Variants in JAKMIP2 observed in about 807,000 individuals in gnomAD.
JAKMIP2 encodes janus kinase and microtubule interacting protein 2, also known as janus kinase and microtubule-interacting protein 2.
A neutral mutation model predicts 115.0 loss-of-function variants in JAKMIP2; 25 were observed. The observed-to-expected ratio is 0.22, with a 90% CI of 0.16 to 0.30. JAKMIP2 has a LOEUF of 0.30. Ranked by LOEUF, JAKMIP2 falls within the 10% of genes least tolerant of loss-of-function variation. The probability of loss-of-function intolerance (pLI) is 1.00; values close to 1 mark genes in which losing one functional copy is unlikely to be tolerated. For synonymous variants in JAKMIP2, 334 were observed against 343.6 expected (o/e 0.97, Z 0.31); for missense variants, 642 against 957.6 (o/e 0.67, Z 4.35).
intron 1 of JAKMIP2, among the ~76,000 whole-genome samples, chr5:147,748,099 A>G (rs1298988964): frequency 6.6e-6 from 1 of 152,224 alleles, no homozygotes; most frequent in Non-Finnish European, 1.5e-5. Context: ...CAAAATGATA[A>G]AAGTATAACA....
intron 1 of JAKMIP2, among the ~76,000 whole-genome samples, chr5:147,689,106 C>A (rs1164735517): frequency 6.6e-6 from 1 of 151,966 alleles, no homozygotes; most frequent in Non-Finnish European, 1.5e-5. Flanking sequence ...GGAAAGCGTG[C>A]CAGGGTAGTG....
intron 1 of JAKMIP2, 59 bp from the exon 2 acceptor site, chr5:147,672,013 T>C: frequency 8.5e-7 from 1 of 1,171,726 alleles, no homozygotes; most frequent in Non-Finnish European, 1.1e-6. Flanking sequence ...TAAGTGCCAG[T>C]CAGTCTACTC....
In JAKMIP2 at chr5:147,586,104, G is replaced by C. The variant is rs1001526903; in HGVS notation, c.*5603C>G. On this transcript the variant is annotated 3_prime_UTR_variant, in exon 22 of 22. Coordinates refer to ENST00000616793, the MANE Select transcript of JAKMIP2 (RefSeq NM_001270941.2). ...AAATAATAGTAGTGAACAGAAGGTG[G>C]GGTAAGGGAGAGAAGAGGTAGTCAA... 5 of 151,998 alleles carry C rather than the reference G, an allele frequency of 3.3e-5. No individual in the cohort carries two copies. Among genetic ancestry groups the C allele is most frequent in the Non-Finnish European group, 7.3e-5 (5 of 68,040 alleles). 9.4% of individuals were successfully genotyped at this position (151,998 alleles called of 1,614,324 possible).
chr5:147,604,901 G>A (rs1581271744), intron 20 of JAKMIP2, among the ~76,000 whole-genome samples: 1 of 151,268 alleles, frequency 6.6e-6, no homozygotes, highest in South Asian at 2.1e-4. Flanking sequence ...AAGTATACAT[G>A]TGCCATGGTG....
intron 18 of JAKMIP2, among the ~76,000 whole-genome samples, chr5:147,618,897 C>T (rs1433893811): frequency 6.6e-6 from 1 of 152,082 alleles, no homozygotes; most frequent in Non-Finnish European, 1.5e-5. Flanking sequence ...ACCTCTGGTA[C>T]TTGAAGATGG....
chr5:147,617,853 G>T, intron 19 of JAKMIP2, 58 bp downstream of exon 19: 2 of 1,380,952 alleles, frequency 1.4e-6, no homozygotes, highest in Non-Finnish European at 2.1e-6. Context: ...CGTGTACCTA[G>T]TACTAAGTTC....
At position 147,588,302 on chromosome 5, in the gene JAKMIP2, T is replaced by C. The variant is rs1754957806; in HGVS notation, c.*3405A>G. ...ATTTTATTGAGAAAAATTAAGTTAA[T>C]GAACCCGGAAGAATGCTGTTCTGAC... is the stretch of plus-strand genomic sequence containing the variant. On this transcript the variant is annotated 3_prime_UTR_variant, in exon 22 of 22. Coordinates refer to ENST00000616793, the MANE Select transcript of JAKMIP2 (RefSeq NM_001270941.2). 1 of 152,098 alleles carries C rather than the reference T, an allele frequency of 6.6e-6. No individual in the cohort carries two copies. The highest frequency in any genetic ancestry group is 6.6e-5 in the Admixed American group (1 of 15,264). 9.4% of individuals were successfully genotyped at this position (152,098 alleles called of 1,614,324 possible). A position where few individuals can be genotyped will look rare whatever the true frequency, so the allele number is the denominator to read the frequency against.
At chr5:147,648,919 G>T (rs571491732) in intron 4 of JAKMIP2, among the ~76,000 whole-genome samples, 3 of 152,148 alleles carry the variant, frequency 2.0e-5, no homozygotes, top group Non-Finnish European at 4.4e-5. Flanking sequence ...AGGAGGTAGG[G>T]ATTAATATTG....
chr5:147,767,412 A>T (rs999202827), intron 1 of JAKMIP2, among the ~76,000 whole-genome samples: 1 of 152,102 alleles, frequency 6.6e-6, no homozygotes, highest in African/African-American at 2.4e-5. Context: ...AGTTTAAGGG[A>T]TTTGCAATAG....
In JAKMIP2 at chr5:147,661,461, C is replaced by T. The variant is rs200501989; in HGVS notation, c.130-16G>A. 3.1e-6 allele frequency: 5 copies of T among 1,598,558 alleles called. No homozygotes were observed. The highest frequency in any genetic ancestry group is 4.5e-5 in the East Asian group (2 of 44,728). ...GCTTTGATACCTAAAAACAGAGAGG[C>T]GAAATGATGAAGAGAAATGAGCCTC... On this transcript the variant is annotated splice_polypyrimidine_tract_variant and intron_variant, in intron 2 of 21. Coordinates refer to ENST00000616793, the MANE Select transcript of JAKMIP2 (RefSeq NM_001270941.2).
At chr5:147,614,674 G>T (rs11167995) in intron 19 of JAKMIP2, among the ~76,000 whole-genome samples, 142,888 of 152,208 alleles carry the variant, frequency 0.94, 67,594 homozygotes, top group Non-Finnish European at 1. Flanking sequence ...AGCGGGTGGG[G>T]AAGAAAAGAA....
intron 1 of JAKMIP2, among the ~76,000 whole-genome samples, chr5:147,702,626 A>C (rs1249582896): frequency 1.5e-5 from 2 of 129,336 alleles, no homozygotes; most frequent in Non-Finnish European, 3.1e-5. Flanking sequence ...GAAAGAAAGA[A>C]AGAAAGAAAG....
At chr5:147,598,920 C>T (rs1322679906) in intron 21 of JAKMIP2, among the ~76,000 whole-genome samples, 1 of 152,152 alleles carries the variant, frequency 6.6e-6, no homozygotes, top group Non-Finnish European at 1.5e-5. Context: ...CTTCCTATTT[C>T]TATCTTGCCA....
At chr5:147,707,959 G>A (rs1300798277) in intron 1 of JAKMIP2, among the ~76,000 whole-genome samples, 2 of 152,148 alleles carry the variant, frequency 1.3e-5, no homozygotes, top group African/African-American at 2.4e-5. Context: ...TGGATGTGAT[G>A]TCTCAGCATT....
chr5:147,689,479 G>T (rs546485191), intron 1 of JAKMIP2, among the ~76,000 whole-genome samples: 1 of 152,210 alleles, frequency 6.6e-6, no homozygotes, highest in South Asian at 2.1e-4. Flanking sequence ...AGATGGTAGC[G>T]GCTTAGAGAG....
intron 14 of JAKMIP2, among the ~76,000 whole-genome samples, chr5:147,631,080 A>G (rs969103936): frequency 1.3e-5 from 2 of 152,178 alleles, no homozygotes; most frequent in African/African-American, 4.8e-5. Context: ...TATCTGGCAG[A>G]CTTGAAATAT....
chr5:147,607,802 C>T (rs559180447), intron 20 of JAKMIP2, among the ~76,000 whole-genome samples: 1 of 152,236 alleles, frequency 6.6e-6, no homozygotes, highest in Admixed American at 6.5e-5. Flanking sequence ...TCCGCCTGGT[C>T]CTGGGCTTTT....
chr5:147,656,496 T>C (rs1758681161), intron 3 of JAKMIP2, among the ~76,000 whole-genome samples: 1 of 152,222 alleles, frequency 6.6e-6, no homozygotes, highest in Non-Finnish European at 1.5e-5. Context: ...TATCAGAGAC[T>C]AGGATTGCAA....
chr5:147,691,810 A>G (rs1228923445), intron 1 of JAKMIP2, among the ~76,000 whole-genome samples: 3 of 151,944 alleles, frequency 2.0e-5, no homozygotes, highest in African/African-American at 7.3e-5. Flanking sequence ...GAGTCTGTGC[A>G]TGGGAGCGGT....
Sources: allele counts gnomAD v4.1 joint callset (sites outside exome capture counted in the v4.1 genomes callset), GRCh38; gene constraint gnomAD v4.1.1; transcripts MANE v1.5; gene names NCBI Gene and HGNC (gene_info 2026-07-23, HGNC 2026-07-21).